CERS5: variants seen among roughly 807,000 people sequenced by gnomAD.
The protein encoded by CERS5 is LAG1 homolog, ceramide synthase 5.
CERS5 carries 37 observed loss-of-function variants against 58.9 expected under a neutral mutation model. The ratio of observed to expected loss-of-function variants is 0.63; its 90% CI spans 0.48 to 0.83. The LOEUF (loss-of-function observed/expected upper bound fraction) is 0.83, where lower values mean the gene tolerates loss of function less well. CERS5 is among the 40% of genes least tolerant of loss of function. The pLI, the probability that CERS5 is intolerant of heterozygous loss-of-function variation, is 0.00. For missense variants in CERS5, 398 were observed against 489.3 expected (o/e 0.81, Z 1.76); for synonymous variants, 147 against 177.8 (o/e 0.83, Z 1.38).
chr12:50,161,784 G>GAAAAAAAAA (rs374177550), intron 1 of CERS5, among the ~76,000 whole-genome samples: 2 of 90,890 alleles, frequency 2.2e-5, no homozygotes, highest in African/African-American at 4.6e-5. Context: ...CTCAAAAAAA[G>GAAAAAAAAA]AAAAAAAAAA....
rs55762917 is a variant in CERS5 at position 50,156,420 on chromosome 12, C to CTATATATATA, written c.197+10671_197+10680dup. On this transcript the variant is annotated intron_variant, in intron 1 of 9. Transcript: ENST00000317551. Reference sequence around the variant, plus strand: ...CTCTGTCTCAAAACAAACAAACAAACTATATATATATATATATAAAACAAT... The same window carrying CTATATATATA: ...CTCTGTCTCAAAACAAACAAACAAACTATATATATATATATATATATATATATAAAACAAT... Among the ~76,000 whole-genome samples, 295 of 77,272 alleles carry CTATATATATA rather than the reference C, an allele frequency of 3.8e-3. 33 individuals are homozygous for CTATATATATA. Among genetic ancestry groups the CTATATATATA allele is most frequent in the African/African-American group, 0.012 (236 of 19,372 alleles). 50.7% of individuals were successfully genotyped at this position (77,272 alleles called of 152,430 possible). A position where few individuals can be genotyped will look rare whatever the true frequency, so the allele number is the denominator to read the frequency against.
At chr12:50,160,304 CA>C (rs754917459) in intron 1 of CERS5, among the ~76,000 whole-genome samples, 69 of 84,754 alleles carry the variant, frequency 8.1e-4, no homozygotes, top group Non-Finnish European at 8.4e-4. Context: ...GACTCTGTCT[CA>C]AAAAAAAAAA....
chr12:50,163,958 C>A (rs1467287834), intron 1 of CERS5, among the ~76,000 whole-genome samples: 1 of 138,108 alleles, frequency 7.2e-6, no homozygotes, highest in Non-Finnish European at 1.6e-5. Flanking sequence ...CCAGCCTCTA[C>A]AATTTTTTTT....
intron 4 of CERS5, among the ~76,000 whole-genome samples, 200 bp from the exon 5 acceptor site, chr12:50,138,817 C>T (rs1951824289): frequency 6.6e-6 from 1 of 152,124 alleles, no homozygotes; most frequent in South Asian, 2.1e-4. Flanking sequence ...AAAAACAATG[C>T]TTTGAGGTAA....
chr12:50,150,186 C>A (rs1264309530), intron 1 of CERS5, among the ~76,000 whole-genome samples: 3 of 151,940 alleles, frequency 2.0e-5, no homozygotes, highest in Non-Finnish European at 2.9e-5. Flanking sequence ...ATGGTGAGAC[C>A]CCGTCTCTAC....
At chr12:50,145,465 G>A (rs1199293357) in intron 1 of CERS5, among the ~76,000 whole-genome samples, 1 of 152,074 alleles carries the variant, frequency 6.6e-6, no homozygotes. Context: ...GGTGTAAAAT[G>A]GAGTGCCGTT....
At chr12:50,135,138 A>AGG in intron 8 of CERS5, among the ~76,000 whole-genome samples, 1 of 87,784 alleles carries the variant, frequency 1.1e-5, no homozygotes, top group Non-Finnish European at 2.3e-5. Context: ...AGAGGGAGGG[A>AGG]GAGAGAGAGG....
intron 1 of CERS5, among the ~76,000 whole-genome samples, chr12:50,152,845 G>A (rs1205782188): frequency 6.6e-6 from 1 of 152,062 alleles, no homozygotes; most frequent in Non-Finnish European, 1.5e-5. Flanking sequence ...GGAGGCGGGC[G>A]GATCACCTGA....
intron 1 of CERS5, among the ~76,000 whole-genome samples, chr12:50,150,559 A>G (rs969879179): frequency 6.6e-6 from 1 of 152,152 alleles, no homozygotes; most frequent in African/African-American, 2.4e-5. Context: ...ATGAGAATGT[A>G]AGTGATAGCT....
chr12:50,152,491 C>T (rs1412894671), intron 1 of CERS5, among the ~76,000 whole-genome samples: 1 of 152,178 alleles, frequency 6.6e-6, no homozygotes, highest in East Asian at 1.9e-4. Context: ...CCTGTAATCC[C>T]AGCACTTTAG....
At chr12:50,146,316 C>T (rs1952263623) in intron 1 of CERS5, among the ~76,000 whole-genome samples, 1 of 152,198 alleles carries the variant, frequency 6.6e-6, no homozygotes, top group African/African-American at 2.4e-5. Flanking sequence ...TCACTAGAAA[C>T]ATATTTCAGT....
intron 9 of CERS5, among the ~76,000 whole-genome samples, chr12:50,131,087 TG>T (rs1390941272): frequency 3.9e-5 from 6 of 152,220 alleles, no homozygotes; most frequent in Admixed American, 2.6e-4. Flanking sequence ...TATCTTCTGG[TG>T]GTTGTGGACA....
chr12:50,154,953 G>A (rs575940581), intron 1 of CERS5, among the ~76,000 whole-genome samples: 7 of 152,268 alleles, frequency 4.6e-5, no homozygotes, highest in African/African-American at 1.4e-4. Flanking sequence ...CTGCTCTCAG[G>A]TTCAAGTGAT....
intron 8 of CERS5, among the ~76,000 whole-genome samples, chr12:50,135,143 GAGA>G (rs1260090211): frequency 1.1e-5 from 1 of 93,272 alleles, no homozygotes. Flanking sequence ...GAGGGAGAGA[GAGA>G]GGAGGGAGGG....
chr12:50,152,577 A>C (rs940083286), intron 1 of CERS5, among the ~76,000 whole-genome samples: 1 of 151,988 alleles, frequency 6.6e-6, no homozygotes, highest in African/African-American at 2.4e-5. Flanking sequence ...CCCAGTCTCC[A>C]CTTATTCTGT....
chr12:50,131,537 C>T (rs12299109), intron 9 of CERS5, among the ~76,000 whole-genome samples: 2,970 of 122,874 alleles, frequency 0.024, 111 homozygotes, highest in African/African-American at 0.088. Flanking sequence ...CCAGCGTGGG[C>T]GACAGAGTGA....
At chr12:50,143,458 A>C in intron 2 of CERS5, 20 of 344,546 alleles carry the variant, frequency 5.8e-5, no homozygotes, top group South Asian at 1.1e-4. Context: ...AAAAACCCAA[A>C]TTGCAGGCCA....
intron 9 of CERS5, chr12:50,132,835 C>A: frequency 8.7e-7 from 1 of 1,145,910 alleles, no homozygotes; most frequent in Non-Finnish European, 1.1e-6. Flanking sequence ...AATAATGGCC[C>A]CGAAAAGTCA....
rs1167577472 is a variant in CERS5 at position 50,130,355 on chromosome 12, G to C, written c.*190C>G. ...AACACACAGAGCAAATAACATTACT[G>C]AAAGAACCTGGAGGCTATTAAATAC... is the stretch of plus-strand genomic sequence containing the variant. On this transcript the variant is annotated 3_prime_UTR_variant, in exon 10 of 10. Coordinates refer to ENST00000317551, the MANE Select transcript of CERS5 (RefSeq NM_147190.5). 11 of 477,676 alleles carry C rather than the reference G, an allele frequency of 2.3e-5. No individual in the cohort carries two copies. Among genetic ancestry groups the C allele is most frequent in the Admixed American group, 3.6e-5 (1 of 28,050 alleles). 29.6% of individuals were successfully genotyped at this position (477,676 alleles called of 1,614,324 possible).
Sources: gnomAD v4.1 joint callset for allele counts (sites outside exome capture counted in the v4.1 genomes callset) on GRCh38, gnomAD v4.1.1 for gene constraint, MANE v1.5 for transcripts, NCBI Gene and HGNC (gene_info 2026-07-23, HGNC 2026-07-21) for gene names.